Variants in KANSL1 observed in about 807,000 individuals in gnomAD.
KANSL1 encodes the protein MLL1/MLL complex subunit KANSL1.
KANSL1 carries 22 observed loss-of-function variants against 103.6 expected under a neutral mutation model. The observed-to-expected ratio is 0.21, with a 90% CI of 0.15 to 0.30. The LOEUF (loss-of-function observed/expected upper bound fraction) is 0.30. Ranked by LOEUF, KANSL1 falls within the 10% of genes least tolerant of loss-of-function variation. The pLI, the probability that KANSL1 is intolerant of heterozygous loss-of-function variation, is 1.00. For missense variants in KANSL1, 1,337 were observed against 1,399.8 expected, an observed-to-expected ratio of 0.96 and a Z score of 0.72; for synonymous variants, 600 against 527.6, an observed-to-expected ratio of 1.14 and a Z score of -1.88.
chr17:46,107,769 G>T (rs1170284109), intron 2 of KANSL1, among the ~76,000 whole-genome samples: 1 of 152,112 alleles, frequency 6.6e-6, no homozygotes, highest in Non-Finnish European at 1.5e-5. Flanking sequence ...TGATCAAAAT[G>T]AAGTTGATAC....
chr17:46,108,030 C>G (rs576377372), intron 2 of KANSL1, among the ~76,000 whole-genome samples: 1 of 151,996 alleles, frequency 6.6e-6, no homozygotes, highest in Admixed American at 6.6e-5. Flanking sequence ...TCTAAATGGG[C>G]TTCTAGCTCT....
chr17:46,117,692 A>G (rs2043104332), intron 2 of KANSL1, among the ~76,000 whole-genome samples: 1 of 152,264 alleles, frequency 6.6e-6, no homozygotes, highest in South Asian at 2.1e-4. Context: ...AAAGAAATTT[A>G]AAACTTCTAT....
chr17:46,090,148 G>C (rs1448227678), intron 3 of KANSL1, among the ~76,000 whole-genome samples: 4 of 152,206 alleles, frequency 2.6e-5, no homozygotes, highest in African/African-American at 9.7e-5. Flanking sequence ...TATGAAGATG[G>C]AGGCAGCAAC....
upstream of KANSL1, among the ~76,000 whole-genome samples, chr17:46,195,566 T>A (rs2047578354): frequency 1.3e-5 from 2 of 152,220 alleles, no homozygotes; most frequent in South Asian, 4.1e-4. Context: ...GGCATCCACT[T>A]GTACTTTTAT....
intron 1 of KANSL1, among the ~76,000 whole-genome samples, chr17:46,191,108 C>A (rs142920363): frequency 3.9e-5 from 6 of 151,982 alleles, no homozygotes; most frequent in Admixed American, 1.3e-4. Flanking sequence ...GTAGAAAAAA[C>A]CAGAAATGTA....
chr17:46,147,479 T>C (rs1352024453), intron 2 of KANSL1, among the ~76,000 whole-genome samples: 1 of 147,146 alleles, frequency 6.8e-6, no homozygotes, highest in African/African-American at 2.5e-5. Flanking sequence ...GAGGCTGAGA[T>C]AGAAGAATTG....
intron 1 of KANSL1, among the ~76,000 whole-genome samples, chr17:46,212,209 C>G (rs1448118513): frequency 2.6e-5 from 4 of 152,068 alleles, no homozygotes; most frequent in African/African-American, 9.7e-5. Flanking sequence ...TACTCAACAT[C>G]CTAAGACATT....
chr17:46,052,781 T>C (rs897279327), intron 6 of KANSL1, among the ~76,000 whole-genome samples: 30 of 93,174 alleles, frequency 3.2e-4, no homozygotes, highest in African/African-American at 1.2e-3. Flanking sequence ...TCTCTTAAAA[T>C]AAAATTTAAA....
intron 3 of KANSL1, among the ~76,000 whole-genome samples, chr17:46,086,284 T>C (rs2079160288): frequency 6.6e-6 from 1 of 152,174 alleles, no homozygotes; most frequent in African/African-American, 2.4e-5. Context: ...TAAGAGAGTA[T>C]AATAAAACTT....
At chr17:46,094,973 G>A (rs1018932353) in intron 2 of KANSL1, among the ~76,000 whole-genome samples, 7 of 152,146 alleles carry the variant, frequency 4.6e-5, no homozygotes, top group African/African-American at 1.7e-4. Context: ...TAATTTCTCT[G>A]GGACAATAAA....
intron 2 of KANSL1, among the ~76,000 whole-genome samples, chr17:46,131,998 G>C (rs111724389): frequency 2.0e-5 from 3 of 151,834 alleles, no homozygotes; most frequent in African/African-American, 7.3e-5. Flanking sequence ...ATGACGGCGC[G>C]TGCCTGTAAT....
intron 1 of KANSL1, among the ~76,000 whole-genome samples, chr17:46,173,842 T>C (rs370533039): frequency 1.5e-3 from 234 of 152,362 alleles, no homozygotes; most frequent in African/African-American, 5.5e-3. Context: ...TTTAAAAATA[T>C]TCTTTGTGAT....
rs1385435216 is a variant in KANSL1 at position 46,039,878 on chromosome 17, G to A, written c.2027C>T (p.Pro676Leu). The change falls in exon 8 of 15, where the codon CCC (proline) becomes CTC (leucine). Residue 676 changes from proline (P) to leucine (L), a missense_variant. Coordinates refer to ENST00000432791, the MANE Select transcript of KANSL1 (RefSeq NM_015443.4). ...CATGCTCTGGAAATGCAGGCTTGTGGGAACATCTGCAAGAAACATAAAATG... is the reference window on the plus strand; with the variant it reads ...CATGCTCTGGAAATGCAGGCTTGTGAGAACATCTGCAAGAAACATAAAATG... ...HPVLAFPDDV[P>L]TSLHFQSMLK... 6.2e-7 allele frequency: 1 copy of A among 1,614,082 alleles called. No homozygotes were observed. Among genetic ancestry groups the A allele is most frequent in the Non-Finnish European group, 8.5e-7 (1 of 1,179,986 alleles).
chr17:46,194,055 G>GGTGT (rs1361222466), upstream of KANSL1, among the ~76,000 whole-genome samples: 1,069 of 151,382 alleles, frequency 7.1e-3, no homozygotes, highest in Admixed American at 0.013. Context: ...AGAGTTGGGC[G>GGTGT]GGGTGGGGAG....
At chr17:46,184,891 G>A (rs1052999147) in intron 1 of KANSL1, among the ~76,000 whole-genome samples, 1 of 148,346 alleles carries the variant, frequency 6.7e-6, no homozygotes, top group African/African-American at 2.5e-5. Flanking sequence ...CCGGGCTGGA[G>A]TGCAGCGGCA....
At chr17:46,156,619 C>G (rs570726700) in intron 2 of KANSL1, among the ~76,000 whole-genome samples, 1 of 152,196 alleles carries the variant, frequency 6.6e-6, no homozygotes, top group Non-Finnish European at 1.5e-5. Context: ...AATACTAAAA[C>G]GAAACAGAGA....
intron 12 of KANSL1, 77 bp downstream of exon 12, chr17:46,033,326 A>T: frequency 6.7e-7 from 1 of 1,496,888 alleles, no homozygotes; most frequent in South Asian, 1.1e-5. Flanking sequence ...TCTTCAGGCC[A>T]TTTAGGGTGT....
At chr17:46,065,245 A>G (rs1389929082) in intron 6 of KANSL1, among the ~76,000 whole-genome samples, 1 of 151,996 alleles carries the variant, frequency 6.6e-6, no homozygotes, top group Non-Finnish European at 1.5e-5. Context: ...CCAGGATTAC[A>G]GGTATGAGCC....
At chr17:46,099,122 G>C (rs1294725956) in intron 2 of KANSL1, among the ~76,000 whole-genome samples, 1 of 116,514 alleles carries the variant, frequency 8.6e-6, no homozygotes, top group East Asian at 1.9e-4. Flanking sequence ...AGGAGATCGA[G>C]ACCATCCTGG....
Sources: gnomAD v4.1 joint callset for allele counts (sites outside exome capture counted in the v4.1 genomes callset) on GRCh38, gnomAD v4.1.1 for gene constraint, MANE v1.5 for transcripts, NCBI Gene and HGNC (gene_info 2026-07-23, HGNC 2026-07-21) for gene names.